The following ASXL2 variants were observed in gnomAD, a reference collection of about 807,000 sequenced individuals.
ASXL2 encodes the protein ASXL transcriptional regulator 2.
ASXL2 carries 23 observed loss-of-function variants against 122.0 expected under a neutral mutation model. That is an observed-to-expected ratio of 0.19 (90% confidence interval 0.14 to 0.27). ASXL2 has a LOEUF of 0.27. ASXL2 is among the 10% of genes least tolerant of loss of function. The pLI is 1.00. For synonymous variants in ASXL2, 650 were observed against 637.0 expected (o/e 1.02, Z -0.31); for missense variants, 1,518 against 1,713.8 (o/e 0.89, Z 2.02).
At chr2:25,761,544 G>A (rs892343490) in intron 8 of ASXL2, among the ~76,000 whole-genome samples, 6 of 151,696 alleles carry the variant, frequency 4.0e-5, no homozygotes, top group Non-Finnish European at 7.4e-5. Flanking sequence ...TTGGTGGTGC[G>A]CGCCTGTAAT....
intron 3 of ASXL2, among the ~76,000 whole-genome samples, chr2:25,829,597 T>C (rs1049401700): frequency 6.6e-6 from 1 of 152,216 alleles, no homozygotes; most frequent in Non-Finnish European, 1.5e-5. Flanking sequence ...AGTCCTGATG[T>C]AGCCATTTAT....
chr2:25,770,381 T>TC (rs1362905283), intron 6 of ASXL2, among the ~76,000 whole-genome samples: 1 of 152,130 alleles, frequency 6.6e-6, no homozygotes, highest in African/African-American at 2.4e-5. Context: ...CCTCAGGTGA[T>TC]CCGCCTGCCT....
chr2:25,822,664 TA>T (rs1339443065), intron 3 of ASXL2: 23 of 650,890 alleles, frequency 3.5e-5, no homozygotes, highest in East Asian at 8.5e-5. Flanking sequence ...ATTCCAAGCA[TA>T]AAAAAAACGG....
At chr2:25,855,835 CAAA>C (rs200980536) in intron 1 of ASXL2, among the ~76,000 whole-genome samples, 3 of 105,688 alleles carry the variant, frequency 2.8e-5, no homozygotes, top group African/African-American at 6.7e-5. Flanking sequence ...GACTCCGTCT[CAAA>C]AAAAAAAAAA....
chr2:25,786,653 A>C (rs2088752636), intron 5 of ASXL2, among the ~76,000 whole-genome samples: 1 of 152,164 alleles, frequency 6.6e-6, no homozygotes, highest in Non-Finnish European at 1.5e-5. Context: ...CAGGAGTTTG[A>C]GACCAGCCTG....
At chr2:25,748,963 AGT>A (rs1456647223) in intron 12 of ASXL2, among the ~76,000 whole-genome samples, 1 of 152,244 alleles carries the variant, frequency 6.6e-6, no homozygotes, top group Non-Finnish European at 1.5e-5. Context: ...TCAAGTAACC[AGT>A]AGTGACAGAA....
chr2:25,783,395 T>C (rs2088679412), intron 5 of ASXL2, among the ~76,000 whole-genome samples: 1 of 151,402 alleles, frequency 6.6e-6, no homozygotes, highest in Non-Finnish European at 1.5e-5. Context: ...TACTCATGGT[T>C]TTTTCCTTTA....
chr2:25,751,406 G>A (rs1308170527), intron 11 of ASXL2, among the ~76,000 whole-genome samples: 1 of 152,140 alleles, frequency 6.6e-6, no homozygotes, highest in African/African-American at 2.4e-5. Flanking sequence ...TTGGGAGGTG[G>A]GCAGATCGCT....
At position 25,771,536 on chromosome 2, in the gene ASXL2, C is replaced by T. The variant is rs1232981139; in HGVS notation, c.408G>A (p.Ser136=). Reference sequence around the variant, plus strand: ...GGCAGCCTGACTGCGGGGAGGACGACGATACTAGGGAAAAAAAAGTGACAA... The same window carrying T: ...GGCAGCCTGACTGCGGGGAGGACGATGATACTAGGGAAAAAAAAGTGACAA... The part of the protein sequence containing the change: ...GKKSRWKRKV[S]SSSPQSGCPS... The change falls in exon 6 of 13, where the codon TCG becomes TCA. Residue 136 remains serine, a synonymous_variant. Transcript: ENST00000435504. 33 of 1,600,110 alleles carry T rather than the reference C, an allele frequency of 2.1e-5. No homozygotes were observed. The highest frequency in any genetic ancestry group is 1.7e-4 in the Middle Eastern group (1 of 6,050).
At chr2:25,771,328 A>T in intron 6 of ASXL2, 112 bp downstream of exon 6, 1 of 864,670 alleles carries the variant, frequency 1.2e-6, no homozygotes, top group Non-Finnish European at 1.7e-6. Flanking sequence ...TGAAAGTTCC[A>T]CTGGCAAGGG....
In ASXL2 at chr2:25,740,757, C is replaced by G; in HGVS notation, c.*1272G>C. ...CTCTTTCCATTAGAAATTTCTAGTG[C>G]TCAGACAGCAGTAATCCAAACAAGG... is the stretch of plus-strand genomic sequence containing the variant. On this transcript the variant is annotated 3_prime_UTR_variant, in exon 13 of 13. Coordinates refer to ENST00000435504, the MANE Select transcript of ASXL2 (RefSeq NM_018263.6). 4.9e-6 allele frequency: 1 copy of G among 204,134 alleles called. No homozygotes were observed. Among genetic ancestry groups the G allele is most frequent in the Non-Finnish European group, 1.0e-5 (1 of 99,684 alleles). The allele number at this position is 204,134 out of a possible 1,614,324, so 12.6% of individuals were successfully genotyped here. A position where few individuals can be genotyped will look rare whatever the true frequency, so the allele number is the denominator to read the frequency against.
chr2:25,743,752 C>A lies in ASXL2; in HGVS notation c.2585G>T (p.Ser862Ile). 1 of 1,614,014 alleles carries A rather than the reference C, an allele frequency of 6.2e-7. No individual in the cohort carries two copies. ...DGTVELKAGP[S>I]KNIPNPSASS... ...GGCTGAAGGGTTAGGTATATTCTTA[C>A]TAGGACCTGCTTTGAGCTCAACTGT... The change falls in exon 13 of 13, where the codon AGT (serine) becomes ATT (isoleucine). Residue 862 changes from serine (S) to isoleucine (I), a missense_variant. Ser to Ile is a moderately radical substitution (Grantham distance 142). Transcript: ENST00000435504.
Position 25,878,346 on chromosome 2 carries a change from G to A in ASXL2, c.-124C>T. On this transcript the variant is annotated 5_prime_UTR_variant, in exon 1 of 13. Transcript: ENST00000435504. ...GGTGGGAGAAAAGGGAAGTCAGACC[G>A]GGGGGGCACCCAAGCAGAGGAAGCG... 6 of 979,034 alleles carry A rather than the reference G, an allele frequency of 6.1e-6. No individual in the cohort carries two copies. The highest frequency in any genetic ancestry group is 9.3e-6 in the Non-Finnish European group (6 of 647,044). The allele number at this position is 979,034 out of a possible 1,614,324, so 60.6% of individuals were successfully genotyped here.
intron 5 of ASXL2, among the ~76,000 whole-genome samples, chr2:25,775,496 G>A (rs568703611): frequency 5.3e-5 from 8 of 152,294 alleles, no homozygotes; most frequent in Admixed American, 5.2e-4. Flanking sequence ...GCTTGTTGAA[G>A]TAGGAAGGTG....
rs35811255 is a variant in ASXL2, at chr2:25,778,641, TATA to T, written c.404-7104_404-7102del. ...ATTTGATACTGTACCTCAAACTACA[TATA>T]ATGTTTTAAAAATATATACTTAGCA... On this transcript the variant is annotated intron_variant, in intron 5 of 12. Transcript: ENST00000435504. 2.7e-4 allele frequency among the ~76,000 whole-genome samples: 41 copies of T among 152,320 alleles called. 1 individual carries two copies. The South Asian group carries it at 7.9e-3, about 29-fold the overall frequency.
chr2:25,743,936 A>G lies in ASXL2; in HGVS notation c.2401T>C (p.Leu801=), dbSNP rs750828218. The change falls in exon 13 of 13, where the codon TTG becomes CTG. Residue 801 remains leucine (L), a synonymous_variant. Transcript: ENST00000435504. ...SVPSPAHIEK[L]DNEKLNPTRA... ...GTGGGGTTCAGTTTTTCATTATCCA[A>G]TTTCTCTATGTGGGCTGGTGATGGG... 6.8e-6 allele frequency: 11 copies of G among 1,613,714 alleles called. No individual in the cohort carries two copies. The highest frequency in any genetic ancestry group is 9.3e-6 in the Non-Finnish European group (11 of 1,179,806).
chr2:25,832,397 G>C (rs2089464587), intron 3 of ASXL2, among the ~76,000 whole-genome samples: 2 of 151,766 alleles, frequency 1.3e-5, no homozygotes, highest in African/African-American at 2.4e-5. Context: ...AATAAATCAA[G>C]ACAGAATCCT....
chr2:25,876,634 A>C (rs984797796), intron 1 of ASXL2, among the ~76,000 whole-genome samples: 3 of 152,340 alleles, frequency 2.0e-5, no homozygotes, highest in African/African-American at 7.2e-5. Context: ...TAACAGAAAG[A>C]GGTCTTGAGG....
At chr2:25,841,251 G>A (rs1178742073) in intron 2 of ASXL2, among the ~76,000 whole-genome samples, 9 of 152,188 alleles carry the variant, frequency 5.9e-5, no homozygotes, top group Non-Finnish European at 1.5e-5. Context: ...AGCTGAGATT[G>A]CACCACTGCA....
Sources: gnomAD v4.1 joint callset for allele counts (sites outside exome capture counted in the v4.1 genomes callset) on GRCh38, gnomAD v4.1.1 for gene constraint, MANE v1.5 for transcripts, NCBI Gene and HGNC (gene_info 2026-07-23, HGNC 2026-07-21) for gene names.